The following PAQR5 variants were observed in gnomAD, a reference collection of about 807,000 sequenced individuals.
The protein encoded by PAQR5 is membrane progestin receptor gamma.
A neutral mutation model predicts 34.5 loss-of-function variants in PAQR5; 20 were observed. That is an observed-to-expected ratio of 0.58 (90% CI 0.41 to 0.84). The LOEUF is 0.84. PAQR5 is among the 40% of genes least tolerant of loss of function. The pLI is 0.00. For missense variants in PAQR5, 378 were observed against 412.7 expected (o/e 0.92, Z 0.73); for synonymous variants, 131 against 155.6 (o/e 0.84, Z 1.18).
intron 1 of PAQR5, among the ~76,000 whole-genome samples, chr15:69,307,193 A>G (rs1336196792): frequency 6.6e-6 from 1 of 151,482 alleles, no homozygotes. Context: ...CTCCCGTTAT[A>G]TACCACATTT....
In PAQR5 at chr15:69,355,288, TTTTC is replaced by T. The variant is rs202025030; in HGVS notation, c.-115-4626_-115-4623del. ...TTTGTCTTCTTTCTCTCTTTCTTTC[TTTTC>T]TTTCTTTCTTTCTTTCTTTCTTTCT... On this transcript the variant is annotated intron_variant, in intron 2 of 8. Coordinates refer to ENST00000395407, the MANE Select transcript of PAQR5 (RefSeq NM_017705.4). 9.4e-4 allele frequency among the ~76,000 whole-genome samples: 127 copies of T among 135,796 alleles called. 1 individual carries two copies. The highest frequency in any genetic ancestry group is 3.1e-3 in the African/African-American group (105 of 34,302). 89.1% of individuals were successfully genotyped at this position (135,796 alleles called of 152,430 possible). A position where few individuals can be genotyped will look rare whatever the true frequency, so the allele number is the denominator to read the frequency against.
intron 7 of PAQR5, among the ~76,000 whole-genome samples, chr15:69,398,805 G>A (rs892581753): frequency 2.0e-5 from 3 of 152,198 alleles, no homozygotes; most frequent in Non-Finnish European, 4.4e-5. Flanking sequence ...GACAAGCATC[G>A]TGTGCTTCTG....
In PAQR5 at chr15:69,385,275, G is replaced by A. The variant is rs1425218783; in HGVS notation, c.385+393G>A. On this transcript the variant is annotated intron_variant, in intron 5 of 8. Transcript: ENST00000395407. This position sits in a 1 kb window ranked among gnomAD's most constrained non-coding sequence, Gnocchi z 4.7. ...TAGTCATTGAGTACTCAGTACTTTTGTTAATATGATTTATTTAATTGCAAG... is the reference window on the plus strand; with the variant it reads ...TAGTCATTGAGTACTCAGTACTTTTATTAATATGATTTATTTAATTGCAAG... Among the ~76,000 whole-genome samples the A allele has an allele frequency of 1.3e-5, 2 of 152,166 alleles. No homozygotes were observed. Among genetic ancestry groups the A allele is most frequent in the Non-Finnish European group, 2.9e-5 (2 of 68,032 alleles).
Position 69,405,238 on chromosome 15 carries a change from G to A in PAQR5, c.*1416G>A, listed in dbSNP as rs2056736982. ...TCTGCACTTGGTAATGACTTAGGGG[G>A]GCTTCCTCACAATGCAGGATCCTCT... On this transcript the variant is annotated 3_prime_UTR_variant, in exon 9 of 9. Coordinates refer to ENST00000395407, the MANE Select transcript of PAQR5 (RefSeq NM_017705.4). 1.4e-5 allele frequency: 5 copies of A among 366,248 alleles called. No individual in the cohort carries two copies. In the East Asian group the frequency reaches 2.0e-4, roughly 14 times the overall value. The allele number at this position is 366,248 out of a possible 1,614,324, so 22.7% of individuals were successfully genotyped here.
rs1566986700 is a variant in PAQR5, at chr15:69,300,938, T to TTTC, written c.-277+1882_-277+1883insTTC. On this transcript the variant is annotated intron_variant, in intron 1 of 8. Transcript: ENST00000395407. ...CTTTCTCTCTCTCTCTCTCTCTCTC[T>TTTC]CTTTCTTTCCTTCTTTCTTTCTTTC... Among the ~76,000 whole-genome samples, 2 of 23,528 alleles carry TTTC rather than the reference T, an allele frequency of 8.5e-5. 1 individual carries two copies. 15.4% of individuals were successfully genotyped at this position (23,528 alleles called of 152,430 possible). A position where few individuals can be genotyped will look rare whatever the true frequency, so the allele number is the denominator to read the frequency against.
At position 69,301,286 on chromosome 15, in the gene PAQR5, G is replaced by A. The variant is rs145162835; in HGVS notation, c.-277+2230G>A. Among the ~76,000 whole-genome samples the A allele has an allele frequency of 9.2e-3, 1,404 of 152,152 alleles. 19 individuals carry two copies. Among genetic ancestry groups the A allele is most frequent in the African/African-American group, 0.032 (1,334 of 41,526 alleles). ...CCCAAAGTGCTGGGATTGCAGGCGTGAGCCACTGCACCCAGCCCCCATGTG... is the reference window on the plus strand; with the variant it reads ...CCCAAAGTGCTGGGATTGCAGGCGTAAGCCACTGCACCCAGCCCCCATGTG... On this transcript the variant is annotated intron_variant, in intron 1 of 8. Transcript: ENST00000395407.
intron 5 of PAQR5, 49 bp downstream of exon 5, chr15:69,384,931 T>A: frequency 6.9e-7 from 1 of 1,445,990 alleles, no homozygotes; most frequent in Non-Finnish European, 9.6e-7. Flanking sequence ...CCGGGCTGTT[T>A]GCCCCTTCTC....
Position 69,360,020 on chromosome 15 carries a change from G to C in PAQR5, c.-61G>C. The C allele has an allele frequency of 7.4e-7, 1 of 1,351,876 alleles. No individual in the cohort carries two copies. The highest frequency in any genetic ancestry group is 1.1e-6 in the Non-Finnish European group (1 of 942,460). The allele number at this position is 1,351,876 out of a possible 1,614,324, so 83.7% of individuals were successfully genotyped here. The stretch of plus-strand genomic sequence containing the variant: ...ACGCCCCAGGCCATGTTAGAGCTTT[G>C]AGTGAGGCCTGGTAACAGGGAGGCG... On this transcript the variant is annotated 5_prime_UTR_variant, in exon 3 of 9. An upstream open reading frame in the 5' UTR loses its in-frame stop. Coordinates refer to ENST00000395407, the MANE Select transcript of PAQR5 (RefSeq NM_017705.4).
At chr15:69,403,526 TC>T in intron 8 of PAQR5, 54 bp from the exon 9 acceptor site, 1 of 1,568,142 alleles carries the variant, frequency 6.4e-7, no homozygotes, top group South Asian at 1.1e-5. Context: ...ATAGCATGTA[TC>T]AGTACTCATT....
At position 69,359,954 on chromosome 15, in the gene PAQR5, G is replaced by A; in HGVS notation, c.-115-12G>A. 4.2e-6 allele frequency: 3 copies of A among 716,828 alleles called. No homozygotes were observed. Among genetic ancestry groups the A allele is most frequent in the South Asian group, 3.3e-5 (2 of 61,186 alleles). The allele number at this position is 716,828 out of a possible 1,614,324, so 44.4% of individuals were successfully genotyped here. ...GAAACTGACTGGATTTCTTCATGCT[G>A]TCCTCTTTCAGGGAAGCGGCACAGC... On this transcript the variant is annotated splice_polypyrimidine_tract_variant and intron_variant, in intron 2 of 8. Transcript: ENST00000395407.
At chr15:69,398,367 T>C (rs1423071460) in intron 7 of PAQR5, among the ~76,000 whole-genome samples, 1 of 152,174 alleles carries the variant, frequency 6.6e-6, no homozygotes. Context: ...CACTGCTCAC[T>C]GGCTATGTGA....
intron 1 of PAQR5, among the ~76,000 whole-genome samples, chr15:69,301,256 G>A (rs2053599730): frequency 6.6e-6 from 1 of 151,996 alleles, no homozygotes; most frequent in African/African-American, 2.4e-5. Context: ...CACCCGGGTT[G>A]GCCTCCCAAA....
chr15:69,320,003 A>G (rs1359538916), intron 1 of PAQR5, among the ~76,000 whole-genome samples: 2 of 152,158 alleles, frequency 1.3e-5, no homozygotes, highest in Non-Finnish European at 2.9e-5. Context: ...TTCTGATCAG[A>G]TTAGAAGCTT....
chr15:69,385,374 C>A lies in PAQR5; in HGVS notation c.385+492C>A, dbSNP rs1023030266. ...CTCACAGGCCAGAATGAACTGACTC[C>A]AGTACATCAGTGCTGGTCTCTGTCA... is the stretch of plus-strand genomic sequence containing the variant. On this transcript the variant is annotated intron_variant, in intron 5 of 8. Transcript: ENST00000395407. The surrounding 1 kb of genome is among the most constrained non-coding windows in gnomAD (Gnocchi z 4.7). 6.6e-6 allele frequency among the ~76,000 whole-genome samples: 1 copy of A among 152,176 alleles called. No homozygotes were observed. Among genetic ancestry groups the A allele is most frequent in the Non-Finnish European group, 1.5e-5 (1 of 68,036 alleles).
intron 3 of PAQR5, among the ~76,000 whole-genome samples, chr15:69,378,878 G>A (rs1595913925): frequency 6.6e-6 from 1 of 152,230 alleles, no homozygotes; most frequent in South Asian, 2.1e-4. Flanking sequence ...TAAAGGCCAT[G>A]GATGCTGTGA....
At chr15:69,380,689 G>T (rs1274339681) in intron 4 of PAQR5, among the ~76,000 whole-genome samples, 1 of 152,224 alleles carries the variant, frequency 6.6e-6, no homozygotes. Context: ...TTTGCTTAAG[G>T]AATGGAGGAT....
chr15:69,323,906 T>A (rs919091457), intron 1 of PAQR5, among the ~76,000 whole-genome samples: 1 of 152,188 alleles, frequency 6.6e-6, no homozygotes, highest in Non-Finnish European at 1.5e-5. Context: ...CAACTTGTCA[T>A]GACACCGTTA....
chr15:69,340,229 C>G (rs1213094240), intron 2 of PAQR5, among the ~76,000 whole-genome samples: 1 of 152,000 alleles, frequency 6.6e-6, no homozygotes, highest in Non-Finnish European at 1.5e-5. Context: ...TACCTTTTGT[C>G]ATAATCTAGT....
rs113369344 is a variant in PAQR5 at position 69,338,510 on chromosome 15, C to G, written c.-116+1009C>G. On this transcript the variant is annotated intron_variant, in intron 2 of 8. Coordinates refer to ENST00000395407, the MANE Select transcript of PAQR5 (RefSeq NM_017705.4). Reference sequence around the variant, plus strand: ...CACAAGCCTTGGAAGCCAAGCCAGGCCTGCATGAGTACACTCAGACAGTTA... The same window carrying G: ...CACAAGCCTTGGAAGCCAAGCCAGGGCTGCATGAGTACACTCAGACAGTTA... 4.7e-4 allele frequency among the ~76,000 whole-genome samples: 71 copies of G among 152,288 alleles called. 2 individuals are homozygous for G. The highest frequency in any genetic ancestry group is 1.6e-3 in the African/African-American group (67 of 41,574).
Sources: gnomAD v4.1 joint callset for allele counts (sites outside exome capture counted in the v4.1 genomes callset) on GRCh38, gnomAD v4.1.1 for gene constraint, Gnocchi (gnomAD v3.1) non-coding constraint, MANE v1.5 for transcripts, NCBI Gene and HGNC (gene_info 2026-07-23, HGNC 2026-07-21) for gene names.